Variants in KATNAL1 observed in about 807,000 individuals in gnomAD.
KATNAL1 encodes the protein katanin p60 ATPase-containing subunit A-like 1.
In KATNAL1, 32 loss-of-function variants were observed where a neutral mutation model predicts 55.2. The ratio of observed to expected loss-of-function variants is 0.58; its 90% CI spans 0.44 to 0.78. The LOEUF (loss-of-function observed/expected upper bound fraction) is 0.78. Ranked by LOEUF, KATNAL1 falls within the 30% of genes least tolerant of loss-of-function variation. The probability of loss-of-function intolerance (pLI) is 0.00; values close to 1 mark genes in which losing one functional copy is unlikely to be tolerated. For missense variants in KATNAL1, 466 were observed against 600.9 expected (o/e 0.78, Z 2.35); for synonymous variants, 193 against 193.6 (o/e 1.00, Z 0.02).
At chr13:30,220,102 C>A (rs1230987302) in intron 9 of KATNAL1, among the ~76,000 whole-genome samples, 3 of 152,246 alleles carry the variant, frequency 2.0e-5, no homozygotes, top group Admixed American at 2.0e-4. Flanking sequence ...TTTATAATCA[C>A]TGTAATATGG....
intron 9 of KATNAL1, among the ~76,000 whole-genome samples, chr13:30,214,908 A>C (rs11619245): frequency 0.043 from 6,378 of 149,716 alleles, 222 homozygotes; most frequent in African/African-American, 0.09. Flanking sequence ...GCAACAAAAG[A>C]CAAAATTGAC....
Position 30,221,573 on chromosome 13 carries a change from T to C in KATNAL1, c.1147+5839A>G, listed in dbSNP as rs1874857760. Reference sequence around the variant, plus strand: ...CTGACAAAAACTATAAAGTGGTAGATTATCCATTTCTGAATAAAAAATTTT... The same window carrying C: ...CTGACAAAAACTATAAAGTGGTAGACTATCCATTTCTGAATAAAAAATTTT... On this transcript the variant is annotated intron_variant, in intron 9 of 10. Coordinates refer to ENST00000380615, the MANE Select transcript of KATNAL1 (RefSeq NM_032116.5). Among the ~76,000 whole-genome samples the C allele has an allele frequency of 2.0e-5, 3 of 152,242 alleles. No individual in the cohort carries two copies. The South Asian group carries it at 6.2e-4, about 32-fold the overall frequency.
At chr13:30,224,839 G>A (rs1477415251) in intron 9 of KATNAL1, among the ~76,000 whole-genome samples, 1 of 152,200 alleles carries the variant, frequency 6.6e-6, no homozygotes, top group Non-Finnish European at 1.5e-5. Context: ...AAGGTGTGTA[G>A]ATTTGTATTA....
At chr13:30,238,172 G>A (rs648538) in intron 6 of KATNAL1, among the ~76,000 whole-genome samples, 48,589 of 151,910 alleles carry the variant, frequency 0.32, 8,283 homozygotes, top group Admixed American at 0.45. Context: ...TCGAACTCCT[G>A]GGAAATACAA....
At chr13:30,281,565 CAATAT>C (rs1881338562) in intron 2 of KATNAL1, among the ~76,000 whole-genome samples, 2 of 152,044 alleles carry the variant, frequency 1.3e-5, no homozygotes, top group Non-Finnish European at 2.9e-5. Context: ...TGTTCTCAAT[CAATAT>C]AACTTGGTAA....
chr13:30,210,117 C>T (rs1218651817), intron 10 of KATNAL1, among the ~76,000 whole-genome samples, 199 bp downstream of exon 10: 6 of 150,912 alleles, frequency 4.0e-5, no homozygotes, highest in Admixed American at 6.6e-5. Context: ...ACATCAACGA[C>T]CACTGCTATA....
chr13:30,294,327 G>A (rs989127011), intron 1 of KATNAL1, among the ~76,000 whole-genome samples: 1 of 152,240 alleles, frequency 6.6e-6, no homozygotes, highest in Non-Finnish European at 1.5e-5. Flanking sequence ...CTACTCCAGT[G>A]AACATATGAA....
intron 1 of KATNAL1, among the ~76,000 whole-genome samples, chr13:30,299,847 C>T (rs1882751317): frequency 6.6e-6 from 1 of 152,178 alleles, no homozygotes; most frequent in Admixed American, 6.5e-5. Context: ...AGAAGGAATA[C>T]TGCTTTATCT....
At chr13:30,276,696 T>A (rs1452736186) in intron 3 of KATNAL1, among the ~76,000 whole-genome samples, 3 of 152,182 alleles carry the variant, frequency 2.0e-5, no homozygotes, top group Non-Finnish European at 4.4e-5. Flanking sequence ...GTAAGAATGT[T>A]AACAAGTAGA....
At chr13:30,272,267 T>A (rs955903363) in intron 3 of KATNAL1, among the ~76,000 whole-genome samples, 3 of 151,990 alleles carry the variant, frequency 2.0e-5, no homozygotes, top group African/African-American at 7.2e-5. Context: ...GTGTGGTGGC[T>A]CACGCCTGTA....
intron 1 of KATNAL1, among the ~76,000 whole-genome samples, chr13:30,303,181 G>A (rs971918711): frequency 6.6e-5 from 10 of 152,150 alleles, no homozygotes; most frequent in African/African-American, 2.4e-4. Context: ...CGTTCAGTTA[G>A]GACCACAATC....
intron 3 of KATNAL1, among the ~76,000 whole-genome samples, chr13:30,272,084 G>A (rs1379933766): frequency 2.0e-5 from 3 of 152,160 alleles, no homozygotes; most frequent in Admixed American, 6.5e-5. Context: ...AATGACTGAA[G>A]AGCAGCAGGA....
chr13:30,305,077 T>C (rs1883096701), intron 1 of KATNAL1, among the ~76,000 whole-genome samples: 2 of 152,192 alleles, frequency 1.3e-5, no homozygotes, highest in African/African-American at 4.8e-5. Context: ...ACCTGTAATG[T>C]TTCCCCTCCC....
chr13:30,257,303 A>G (rs1373965693), intron 3 of KATNAL1, among the ~76,000 whole-genome samples: 1 of 152,216 alleles, frequency 6.6e-6, no homozygotes, highest in Non-Finnish European at 1.5e-5. Context: ...CAAAGACAAT[A>G]AAATGAGACC....
intron 3 of KATNAL1, among the ~76,000 whole-genome samples, chr13:30,270,087 C>T (rs1245441105): frequency 3.3e-5 from 4 of 120,250 alleles, no homozygotes; most frequent in East Asian, 3.5e-4. Context: ...GGGGTCAGCC[C>T]CCCGCCCGGC....
chr13:30,231,142 CA>C (rs780847787), intron 7 of KATNAL1, among the ~76,000 whole-genome samples, 171 bp downstream of exon 7: 40 of 152,302 alleles, frequency 2.6e-4, no homozygotes, highest in Non-Finnish European at 5.6e-4. Context: ...ACTGAAGATA[CA>C]CCAACTACCC....
intron 2 of KATNAL1, among the ~76,000 whole-genome samples, chr13:30,280,608 C>T (rs1421342965): frequency 6.6e-6 from 1 of 151,950 alleles, no homozygotes; most frequent in Non-Finnish European, 1.5e-5. Context: ...AAAAATTAAG[C>T]CAAAATTTTC....
chr13:30,231,921 C>T lies in KATNAL1; in HGVS notation c.727-449G>A, dbSNP rs368574781. On this transcript the variant is annotated intron_variant, in intron 6 of 10. Coordinates refer to ENST00000380615, the MANE Select transcript of KATNAL1 (RefSeq NM_032116.5). ...TCTTCCACAGTGCATTTATAATACA[C>T]AGCTTTCAGTAAAAAATAAAGACCC... Among the ~76,000 whole-genome samples the T allele has an allele frequency of 2.6e-3, 403 of 152,250 alleles. 2 individuals carry two copies. The highest frequency in any genetic ancestry group is 0.015 in the Admixed American group (230 of 15,286).
intron 3 of KATNAL1, among the ~76,000 whole-genome samples, chr13:30,263,862 T>C (rs967174375): frequency 3.4e-5 from 5 of 147,042 alleles, no homozygotes; most frequent in African/African-American, 1.0e-4. Context: ...CTTCACAGAA[T>C]TGGAAAAAAC....
Sources: gnomAD v4.1 joint callset for allele counts (sites outside exome capture counted in the v4.1 genomes callset) on GRCh38, gnomAD v4.1.1 for gene constraint, MANE v1.5 for transcripts, NCBI Gene and HGNC (gene_info 2026-07-23, HGNC 2026-07-21) for gene names.